The following FSTL5 variants were observed in gnomAD, a reference collection of about 807,000 sequenced individuals.
FSTL5 encodes follistatin-related protein 5.
Under a neutral mutation model 89.1 loss-of-function variants are expected in FSTL5, and 62 were observed. The observed-to-expected ratio is 0.70, with a 90% CI of 0.57 to 0.86. FSTL5 has a LOEUF of 0.86. Among genes scored for constraint, FSTL5 ranks in the 40% least tolerant of loss-of-function variants. The pLI is 0.00. For missense variants in FSTL5, 1,057 were observed against 1,001.6 expected (o/e 1.06, Z -0.75); for synonymous variants, 383 against 346.2 (o/e 1.11, Z -1.18).
intron 4 of FSTL5, among the ~76,000 whole-genome samples, chr4:161,857,286 T>C (rs1306421059): frequency 6.6e-6 from 1 of 152,150 alleles, no homozygotes; most frequent in African/African-American, 2.4e-5. Flanking sequence ...TTGACTAATG[T>C]ATCTGCTGAC....
At chr4:161,692,504 C>G (rs1432619852) in intron 6 of FSTL5, among the ~76,000 whole-genome samples, 1 of 151,976 alleles carries the variant, frequency 6.6e-6, no homozygotes. Flanking sequence ...ACAAAAGGTG[C>G]TTTTACAAAA....
chr4:161,640,511 C>T (rs1735915363), intron 7 of FSTL5, among the ~76,000 whole-genome samples: 1 of 152,000 alleles, frequency 6.6e-6, no homozygotes, highest in Non-Finnish European at 1.5e-5. Context: ...GAAAATATAG[C>T]AACTAAAATG....
intron 4 of FSTL5, among the ~76,000 whole-genome samples, chr4:161,822,721 C>T (rs1730529854): frequency 6.6e-6 from 1 of 152,160 alleles, no homozygotes; most frequent in Non-Finnish European, 1.5e-5. Context: ...ATGTTTCAGC[C>T]CTGTTTGTAT....
chr4:161,635,061 A>G (rs1735639350), intron 7 of FSTL5, among the ~76,000 whole-genome samples: 2 of 152,070 alleles, frequency 1.3e-5, no homozygotes, highest in South Asian at 4.2e-4. Context: ...TGTAATTGAA[A>G]CTATGTTTGT....
intron 13 of FSTL5, among the ~76,000 whole-genome samples, chr4:161,476,806 G>C (rs1734167980): frequency 1.3e-5 from 2 of 152,142 alleles, no homozygotes; most frequent in African/African-American, 4.8e-5. Flanking sequence ...GCAAGGTGTG[G>C]CAACAATGTT....
At chr4:161,783,358 G>A (rs1741736667) in intron 4 of FSTL5, among the ~76,000 whole-genome samples, 1 of 152,010 alleles carries the variant, frequency 6.6e-6, no homozygotes, top group South Asian at 2.1e-4. Flanking sequence ...TGTAAATTAA[G>A]TGATTTCCCT....
intron 8 of FSTL5, among the ~76,000 whole-genome samples, chr4:161,549,698 A>G (rs533767658): frequency 6.6e-6 from 1 of 151,950 alleles, no homozygotes; most frequent in Admixed American, 6.6e-5. Flanking sequence ...AGGACATAAA[A>G]GTTTTGTTCA....
At chr4:161,622,575 A>T (rs897982180) in intron 7 of FSTL5, among the ~76,000 whole-genome samples, 1 of 151,972 alleles carries the variant, frequency 6.6e-6, no homozygotes, top group East Asian at 1.9e-4. Context: ...ATATATAATG[A>T]CCAAGTGGAG....
At position 161,844,742 on chromosome 4, in the gene FSTL5, A is replaced by T. The variant is rs189149226; in HGVS notation, c.410-68668T>A. 2.5e-3 allele frequency among the ~76,000 whole-genome samples: 387 copies of T among 152,272 alleles called. 2 individuals carry two copies. Among genetic ancestry groups the T allele is most frequent in the Non-Finnish European group, 3.1e-3 (211 of 68,022 alleles). ...CTCTTAAGTGGGAGTTGAGCAAATG[A>T]GAACACATGGACACAGGGAGGGGAA... is the stretch of plus-strand genomic sequence containing the variant. On this transcript the variant is annotated intron_variant, in intron 4 of 15. Transcript: ENST00000306100.
intron 4 of FSTL5, among the ~76,000 whole-genome samples, chr4:161,823,690 C>A (rs1463070888): frequency 2.0e-5 from 3 of 152,178 alleles, no homozygotes; most frequent in African/African-American, 7.2e-5. Context: ...AGGGGCAGGG[C>A]TACCACAGGC....
At chr4:162,163,465 TAA>T (rs1561054114) in intron 1 of FSTL5, 148 bp downstream of exon 1, 25 of 131,298 alleles carry the variant, frequency 1.9e-4, no homozygotes, top group Non-Finnish European at 3.0e-4. Context: ...ATAATAATAA[TAA>T]TAGTAATTAT....
intron 7 of FSTL5, among the ~76,000 whole-genome samples, chr4:161,633,081 G>A (rs1170046569): frequency 6.6e-6 from 1 of 151,338 alleles, no homozygotes; most frequent in Non-Finnish European, 1.5e-5. Flanking sequence ...CCTAGCAAAT[G>A]ATAGCACAAT....
chr4:162,086,807 AG>A (rs1730340749), intron 2 of FSTL5, among the ~76,000 whole-genome samples: 1 of 152,070 alleles, frequency 6.6e-6, no homozygotes, highest in Non-Finnish European at 1.5e-5. Flanking sequence ...ACAAAATTTT[AG>A]ATTTAGAAAG....
chr4:162,039,258 G>C (rs74634043), intron 2 of FSTL5, among the ~76,000 whole-genome samples: 169 of 151,564 alleles, frequency 1.1e-3, no homozygotes, highest in Middle Eastern at 6.8e-3. Context: ...ATAAGGCAAG[G>C]TTCTTTCCCC....
Position 162,080,282 on chromosome 4 carries a change from A to T in FSTL5, c.126+30989T>A, listed in dbSNP as rs577956682. Among the ~76,000 whole-genome samples, 6 of 151,702 alleles carry T rather than the reference A, an allele frequency of 4.0e-5. No homozygotes were observed. The South Asian group carries it at 1.2e-3, about 31-fold the overall frequency. On this transcript the variant is annotated intron_variant, in intron 2 of 15. Coordinates refer to ENST00000306100, the MANE Select transcript of FSTL5 (RefSeq NM_020116.5). Reference sequence around the variant, plus strand: ...CTTTTCTATGACAAATTGTGTAAGGATTTATTCTGGCTTAATGTATTTAAT... The same window carrying T: ...CTTTTCTATGACAAATTGTGTAAGGTTTTATTCTGGCTTAATGTATTTAAT...
intron 3 of FSTL5, among the ~76,000 whole-genome samples, chr4:162,010,631 ACT>A (rs1386777744): frequency 1.3e-5 from 2 of 152,076 alleles, no homozygotes; most frequent in Non-Finnish European, 2.9e-5. Flanking sequence ...CCTAGTAACC[ACT>A]GTTTAATGTT....
chr4:161,462,410 C>T (rs1459455102), intron 13 of FSTL5, among the ~76,000 whole-genome samples: 1 of 152,166 alleles, frequency 6.6e-6, no homozygotes, highest in African/African-American at 2.4e-5. Context: ...GTCATCTCTG[C>T]AAGCAATAAA....
At chr4:162,065,791 C>T (rs1174116041) in intron 2 of FSTL5, among the ~76,000 whole-genome samples, 1 of 151,636 alleles carries the variant, frequency 6.6e-6, no homozygotes, top group Non-Finnish European at 1.5e-5. Flanking sequence ...TTCACAACAG[C>T]CAAAGTATAA....
At position 161,759,551 on chromosome 4, in the gene FSTL5, C is replaced by A. The variant is rs369052783; in HGVS notation, c.607-20G>T. The A allele has an allele frequency of 1.4e-6, 2 of 1,445,774 alleles. No homozygotes were observed. The highest frequency in any genetic ancestry group is 1.9e-6 in the Non-Finnish European group (2 of 1,075,566). 89.6% of individuals were successfully genotyped at this position (1,445,774 alleles called of 1,614,324 possible). On this transcript the variant is annotated intron_variant, in intron 5 of 15. Transcript: ENST00000306100. ...TATCACCTAACAAGAAAATTATAAACCATACCTTTAGATTTGTGTCTTAAA... is the reference window on the plus strand; with the variant it reads ...TATCACCTAACAAGAAAATTATAAAACATACCTTTAGATTTGTGTCTTAAA...
Sources: gnomAD v4.1 joint callset for allele counts (sites outside exome capture counted in the v4.1 genomes callset) on GRCh38, gnomAD v4.1.1 for gene constraint, MANE v1.5 for transcripts, NCBI Gene and HGNC (gene_info 2026-07-23, HGNC 2026-07-21) for gene names.